Variants in ADCK1 observed in about 807,000 individuals in gnomAD.
ADCK1 encodes the protein aarF domain-containing protein kinase 1.
ADCK1 carries 41 observed loss-of-function variants against 52.3 expected under a neutral mutation model. That is an observed-to-expected ratio of 0.78 (90% confidence interval 0.61 to 1.02). The LOEUF (loss-of-function observed/expected upper bound fraction) is 1.02. Ranked by LOEUF, ADCK1 falls within the 50% of genes least tolerant of loss-of-function variation. The probability of loss-of-function intolerance (pLI) is 0.00; values close to 1 mark genes in which losing one functional copy is unlikely to be tolerated. For synonymous variants in ADCK1, 250 were observed against 274.6 expected (o/e 0.91, Z 0.89); for missense variants, 658 against 679.5 (o/e 0.97, Z 0.35).
intron 4 of ADCK1, among the ~76,000 whole-genome samples, chr14:77,866,312 G>A (rs757396316): frequency 1.8e-4 from 27 of 152,186 alleles, no homozygotes; most frequent in Non-Finnish European, 2.9e-5. Context: ...GTGGTCCGTT[G>A]TTGACCGAAA....
Position 77,908,097 on chromosome 14 carries a change from C to T in ADCK1, c.858+178C>T. The T allele has an allele frequency of 5.4e-6, 3 of 556,712 alleles. No individual in the cohort carries two copies. The South Asian group carries it at 6.1e-5, about 11-fold the overall frequency. The allele number at this position is 556,712 out of a possible 1,614,324, so 34.5% of individuals were successfully genotyped here. On this transcript the variant is annotated intron_variant, in intron 7 of 10. Transcript: ENST00000238561. ...GAAAGATTCTTTCAGGTCATTTAGG[C>T]CAGCCCTGTGCACACAGCGGCCTGC...
intron 3 of ADCK1, among the ~76,000 whole-genome samples, chr14:77,828,273 T>C (rs1421551119): frequency 6.6e-6 from 1 of 152,172 alleles, no homozygotes; most frequent in Non-Finnish European, 1.5e-5. Context: ...CAGCCTCTGC[T>C]TTTCTATCCA....
chr14:77,850,904 C>T (rs1358150270), intron 3 of ADCK1, among the ~76,000 whole-genome samples: 1 of 151,980 alleles, frequency 6.6e-6, no homozygotes, highest in Non-Finnish European at 1.5e-5. Flanking sequence ...ATCCGCCTGC[C>T]TTGGCCTCCC....
At chr14:77,832,726 G>C (rs902159984) in intron 3 of ADCK1, among the ~76,000 whole-genome samples, 1 of 152,224 alleles carries the variant, frequency 6.6e-6, no homozygotes, top group African/African-American at 2.4e-5. Context: ...CTTTGCTTCA[G>C]GAAAGAGTTT....
intron 5 of ADCK1, among the ~76,000 whole-genome samples, chr14:77,890,526 G>A (rs1275567751): frequency 6.6e-6 from 1 of 152,164 alleles, no homozygotes; most frequent in Non-Finnish European, 1.5e-5. Flanking sequence ...TCAGGGTTGG[G>A]GAAATAGACT....
At chr14:77,858,012 G>A (rs1008827709) in intron 3 of ADCK1, among the ~76,000 whole-genome samples, 4 of 152,110 alleles carry the variant, frequency 2.6e-5, no homozygotes, top group East Asian at 1.9e-4. Flanking sequence ...GCAGCCTGGC[G>A]GCAGATGGGG....
At chr14:77,822,223 T>C (rs1180811185) in intron 2 of ADCK1, among the ~76,000 whole-genome samples, 1 of 152,166 alleles carries the variant, frequency 6.6e-6, no homozygotes, top group Non-Finnish European at 1.5e-5. Flanking sequence ...AATTTTGGCG[T>C]GGGCCCCTGC....
intron 9 of ADCK1, 32 bp downstream of exon 9, chr14:77,925,993 TA>T: frequency 1.9e-6 from 3 of 1,611,958 alleles, no homozygotes; most frequent in Non-Finnish European, 2.5e-6. Context: ...TGCCTCTTCC[TA>T]AATGCAGAAG....
rs139978828 is a variant in ADCK1 at position 77,887,240 on chromosome 14, C to T, written c.573C>T (p.Leu191=). 6.3e-7 allele frequency: 1 copy of T among 1,579,040 alleles called. No individual in the cohort carries two copies. The highest frequency in any genetic ancestry group is 1.7e-4 in the Middle Eastern group (1 of 5,912). Residue 191 remains leucine, a synonymous_variant, in exon 5 of 11, where the codon CTC becomes CTT. Coordinates refer to ENST00000238561, the MANE Select transcript of ADCK1 (RefSeq NM_020421.4). ...GGGCTCAGAGCTCGAAGGACATTCTCCTGATGGAGGTGAGAGCCCTCCCTT... is the reference window on the plus strand; with the variant it reads ...GGGCTCAGAGCTCGAAGGACATTCTTCTGATGGAGGTGAGAGCCCTCCCTT... ...KVRAQSSKDI[L]LMEVLVLAVK... is the part of the protein sequence containing the mutation.
At chr14:77,856,673 C>T (rs2082423465) in intron 3 of ADCK1, among the ~76,000 whole-genome samples, 1 of 152,198 alleles carries the variant, frequency 6.6e-6, no homozygotes. Flanking sequence ...TTCACTGCCT[C>T]CCTCCCAAAC....
At chr14:77,809,124 C>A (rs970533944) in intron 1 of ADCK1, among the ~76,000 whole-genome samples, 1 of 151,854 alleles carries the variant, frequency 6.6e-6, no homozygotes, top group African/African-American at 2.4e-5. Flanking sequence ...TTTGGTGGGC[C>A]TTGAGTGTCT....
At chr14:77,881,014 A>G (rs535857837) in intron 4 of ADCK1, among the ~76,000 whole-genome samples, 1 of 152,262 alleles carries the variant, frequency 6.6e-6, no homozygotes, top group Non-Finnish European at 1.5e-5. Context: ...ATCTGGGATC[A>G]TCAGGAATGG....
At chr14:77,860,528 C>A (rs367776773) in intron 4 of ADCK1, among the ~76,000 whole-genome samples, 1 of 152,154 alleles carries the variant, frequency 6.6e-6, no homozygotes, top group Admixed American at 6.5e-5. Flanking sequence ...TGGCCTGGAG[C>A]GGGGGTTGGA....
At chr14:77,892,945 T>G (rs2083313721) in intron 5 of ADCK1, among the ~76,000 whole-genome samples, 1 of 152,094 alleles carries the variant, frequency 6.6e-6, no homozygotes, top group East Asian at 1.9e-4. Context: ...ACCTTCTCCC[T>G]TGGAGAGGGG....
intron 4 of ADCK1, among the ~76,000 whole-genome samples, chr14:77,885,366 G>T (rs2083125151): frequency 6.6e-6 from 1 of 152,206 alleles, no homozygotes; most frequent in African/African-American, 2.4e-5. Context: ...AAACCAACCA[G>T]GATGAAGGGG....
chr14:77,829,247 A>G (rs577832891), intron 3 of ADCK1, among the ~76,000 whole-genome samples: 2 of 150,596 alleles, frequency 1.3e-5, no homozygotes, highest in East Asian at 3.9e-4. Flanking sequence ...ATGTGTGTAC[A>G]CTCACTCACA....
chr14:77,899,106 G>C lies in ADCK1; in HGVS notation c.589G>C (p.Val197Leu). Residue 197 changes from valine to leucine, a missense_variant, in exon 6 of 11, where the codon GTT becomes CTT. By Grantham distance (32) the Val-to-Leu change is conservative (BLOSUM62 1). Coordinates refer to ENST00000238561, the MANE Select transcript of ADCK1 (RefSeq NM_020421.4). ...GGTGCTTGTTGGATTTCAGGTGCTC[G>C]TTCTGGCTGTGAAGCAGCTGTTCCC... ...SKDILLMEVL[V>L]LAVKQLFPEF... 1.2e-6 allele frequency: 2 copies of C among 1,613,686 alleles called. No individual in the cohort carries two copies. Among genetic ancestry groups the C allele is most frequent in the Non-Finnish European group, 1.7e-6 (2 of 1,180,004 alleles).
chr14:77,904,111 C>T (rs543833866), intron 6 of ADCK1, among the ~76,000 whole-genome samples: 128 of 152,204 alleles, frequency 8.4e-4, no homozygotes, highest in African/African-American at 3.0e-3. Flanking sequence ...TTGTGAATTC[C>T]AGTGAACCGT....
intron 4 of ADCK1, among the ~76,000 whole-genome samples, chr14:77,885,380 A>G (rs532113812): frequency 2.0e-5 from 3 of 152,368 alleles, no homozygotes; most frequent in South Asian, 4.1e-4. Context: ...GAAGGGGGCC[A>G]GGGAAGCGAA....
Sources: gnomAD v4.1 joint callset for allele counts (sites outside exome capture counted in the v4.1 genomes callset) on GRCh38, gnomAD v4.1.1 for gene constraint, MANE v1.5 for transcripts, NCBI Gene and HGNC (gene_info 2026-07-23, HGNC 2026-07-21) for gene names.